The following MRTFB variants were observed in gnomAD, a reference collection of about 807,000 sequenced individuals.
MRTFB encodes myocardin related transcription factor B.
In MRTFB, 29 loss-of-function variants were observed where a neutral mutation model predicts 104.2. The observed-to-expected ratio is 0.28, with a 90% CI of 0.21 to 0.38. The LOEUF is 0.38. Ranked by LOEUF, MRTFB falls within the 10% of genes least tolerant of loss-of-function variation. The pLI is 1.00. For missense variants in MRTFB, 1,270 were observed against 1,341.6 expected, an observed-to-expected ratio of 0.95 and a Z score of 0.83; for synonymous variants, 535 against 519.5, an observed-to-expected ratio of 1.03 and a Z score of -0.41.
chr16:14,127,682 G>C (rs1044122848), intron 2 of MRTFB, among the ~76,000 whole-genome samples: 17 of 149,444 alleles, frequency 1.1e-4, no homozygotes, highest in African/African-American at 4.2e-4. Flanking sequence ...ATCCCCTCTA[G>C]CCTTGGCCAG....
chr16:14,194,708 T>C (rs924904831), intron 3 of MRTFB, among the ~76,000 whole-genome samples: 18 of 151,536 alleles, frequency 1.2e-4, no homozygotes, highest in Middle Eastern at 3.4e-3. Flanking sequence ...TTTTCTTTTT[T>C]TTTTTTTTTT....
At chr16:14,017,056 CTT>C in the MRTFB span, among the ~76,000 whole-genome samples, 80 of 125,380 alleles carry the variant, frequency 6.4e-4, 1 homozygote, top group Middle Eastern at 0.012. Context: ...CAGTCTTCTT[CTT>C]TTTTTTTTTT....
At chr16:14,158,885 C>T (rs2038925412) in intron 3 of MRTFB, among the ~76,000 whole-genome samples, 1 of 151,554 alleles carries the variant, frequency 6.6e-6, no homozygotes, top group African/African-American at 2.4e-5. Context: ...TAATCGCAGC[C>T]ACTTGGGAGT....
intron 8 of MRTFB, among the ~76,000 whole-genome samples, chr16:14,231,188 A>G (rs1240031858): frequency 2.6e-5 from 4 of 151,782 alleles, no homozygotes; most frequent in Non-Finnish European, 4.4e-5. Context: ...ATGCTAAATG[A>G]CGAGTTAATG....
chr16:14,080,649 C>T (rs2141860539), intron 2 of MRTFB, among the ~76,000 whole-genome samples: 1 of 152,270 alleles, frequency 6.6e-6, no homozygotes, highest in East Asian at 1.9e-4. Flanking sequence ...CACACCACCA[C>T]CCCCACCTGC....
intron 2 of MRTFB, among the ~76,000 whole-genome samples, chr16:14,109,007 C>T (rs192925262): frequency 2.0e-4 from 31 of 152,236 alleles, no homozygotes; most frequent in African/African-American, 7.0e-4. Context: ...TTTTATTTGT[C>T]ATTTTTTCTA....
intron 2 of MRTFB, among the ~76,000 whole-genome samples, chr16:14,137,696 T>G (rs1175020836): frequency 6.6e-6 from 1 of 152,170 alleles, no homozygotes; most frequent in Non-Finnish European, 1.5e-5. Context: ...GTCTACTTTA[T>G]TTGATATTAA....
rs567732160 is a variant in MRTFB at position 14,231,814 on chromosome 16, G to A, written c.694-2332G>A. Among the ~76,000 whole-genome samples the A allele has an allele frequency of 6.6e-5, 10 of 152,274 alleles. No homozygotes were observed. In the East Asian group the frequency reaches 1.5e-3, roughly 23 times the overall value. ...ACGGTCTAAGTGGGGTTTGGTACGG[G>A]AACGGAGGGGCTTTTGTTGTGTTTT... On this transcript the variant is annotated intron_variant, in intron 8 of 16. Coordinates refer to ENST00000571589, the MANE Select transcript of MRTFB (RefSeq NM_001308142.2).
chr16:14,127,762 T>C (rs2037193744), intron 2 of MRTFB, among the ~76,000 whole-genome samples: 1 of 150,984 alleles, frequency 6.6e-6, no homozygotes, highest in African/African-American at 2.4e-5. Context: ...CTTTCCTCTT[T>C]CTCCAGGGTG....
At chr16:14,159,929 C>CAAAAAAAAA (rs552159164) in intron 3 of MRTFB, among the ~76,000 whole-genome samples, 11 of 55,626 alleles carry the variant, frequency 2.0e-4, no homozygotes, top group African/African-American at 5.8e-4. Flanking sequence ...GACTCCGTCT[C>CAAAAAAAAA]AAAAAAAAAA....
At chr16:14,031,418 A>C in the MRTFB span, among the ~76,000 whole-genome samples, 1 of 152,088 alleles carries the variant, frequency 6.6e-6, no homozygotes, top group African/African-American at 2.4e-5. Context: ...GAATAGGTCA[A>C]AGTTTCACAA....
chr16:14,037,545 C>A, the MRTFB span, among the ~76,000 whole-genome samples: 1 of 152,098 alleles, frequency 6.6e-6, no homozygotes, highest in Non-Finnish European at 1.5e-5. Context: ...CTCTGTATAA[C>A]TTTGTGTTTT....
intron 8 of MRTFB, among the ~76,000 whole-genome samples, chr16:14,225,794 T>G (rs917343123): frequency 6.6e-6 from 1 of 152,188 alleles, no homozygotes; most frequent in Non-Finnish European, 1.5e-5. Flanking sequence ...CTCCCAGAGA[T>G]ATTCTTTATA....
At chr16:14,254,547 G>A (rs939498194) in intron 15 of MRTFB, among the ~76,000 whole-genome samples, 1 of 152,238 alleles carries the variant, frequency 6.6e-6, no homozygotes, top group African/African-American at 2.4e-5. Context: ...CCCAAATTCT[G>A]TGTGCCCACA....
chr16:14,127,087 T>A (rs2037149703), intron 2 of MRTFB, among the ~76,000 whole-genome samples: 1 of 152,210 alleles, frequency 6.6e-6, no homozygotes, highest in South Asian at 2.1e-4. Context: ...TTGCCCATAG[T>A]CACGATTTTT....
At chr16:14,049,040 T>A in the MRTFB span, among the ~76,000 whole-genome samples, 1 of 152,178 alleles carries the variant, frequency 6.6e-6, no homozygotes, top group Non-Finnish European at 1.5e-5. Context: ...CATTTGGCAA[T>A]GTCTGGAGCC....
intron 8 of MRTFB, among the ~76,000 whole-genome samples, chr16:14,222,475 A>G (rs73518908): frequency 0.064 from 9,735 of 151,624 alleles, 1,049 homozygotes; most frequent in African/African-American, 0.22. Context: ...TGTATTTTAT[A>G]TTTGGCCCAA....
At chr16:14,186,570 C>G (rs1340373506) in intron 3 of MRTFB, 2 of 386,826 alleles carry the variant, frequency 5.2e-6, no homozygotes, top group African/African-American at 4.4e-5. Flanking sequence ...GACCATCAAA[C>G]TGCAGACTGA....
At chr16:14,040,465 T>C in the MRTFB span, among the ~76,000 whole-genome samples, 3 of 77,696 alleles carry the variant, frequency 3.9e-5, no homozygotes, top group African/African-American at 8.2e-5. Flanking sequence ...TATTACTAAA[T>C]CTTTTTTTTT....
Sources: allele counts gnomAD v4.1 joint callset (sites outside exome capture counted in the v4.1 genomes callset), GRCh38; gene constraint gnomAD v4.1.1; transcripts MANE v1.5; gene names NCBI Gene and HGNC (gene_info 2026-07-23, HGNC 2026-07-21).